Variants in KYNU observed in about 807,000 individuals in gnomAD.
KYNU encodes the protein L-kynurenine hydrolase.
KYNU carries 54 observed loss-of-function variants against 59.2 expected under a neutral mutation model. That is an observed-to-expected ratio of 0.91 (90% CI 0.73 to 1.14). The LOEUF (loss-of-function observed/expected upper bound fraction) is 1.14, where lower values mean the gene tolerates loss of function less well. Among genes scored for constraint, KYNU ranks in the 50% most tolerant of loss-of-function variants. The pLI is 0.00. For missense variants in KYNU, 567 were observed against 554.4 expected (o/e 1.02, Z -0.23); for synonymous variants, 177 against 192.0 (o/e 0.92, Z 0.65).
chr2:143,040,398 A>G (rs1224386841), intron 12 of KYNU, 30 bp from the exon 13 acceptor site: 1 of 1,519,692 alleles, frequency 6.6e-7, no homozygotes, highest in South Asian at 1.1e-5. Context: ...TCAATAAGAC[A>G]CTTTAATCTG....
At chr2:142,963,266 A>G (rs1004604046) in intron 8 of KYNU, among the ~76,000 whole-genome samples, 6 of 152,216 alleles carry the variant, frequency 3.9e-5, no homozygotes, top group Non-Finnish European at 8.8e-5. Context: ...AAGTATTTCC[A>G]ATACTCAGAA....
At position 142,885,356 on chromosome 2, in the gene KYNU, G is replaced by A; in HGVS notation, c.-12G>A. 1 of 1,613,456 alleles carries A rather than the reference G, an allele frequency of 6.2e-7. No individual in the cohort carries two copies. The highest frequency in any genetic ancestry group is 1.3e-5 in the African/African-American group (1 of 75,006). On this transcript the variant is annotated 5_prime_UTR_variant, in exon 2 of 14. Transcript: ENST00000264170. Reference sequence around the variant, plus strand: ...TTTATTATTCTCTTTCAGTTTTAGAGAACAACTTGTAATGGAGCCTTCATC... The same window carrying A: ...TTTATTATTCTCTTTCAGTTTTAGAAAACAACTTGTAATGGAGCCTTCATC...
At chr2:142,945,797 G>C (rs1206163249) in intron 4 of KYNU, among the ~76,000 whole-genome samples, 1 of 151,478 alleles carries the variant, frequency 6.6e-6, no homozygotes, top group African/African-American at 2.4e-5. Context: ...GAGTGCCGTG[G>C]CACAATCTCG....
rs1261293930 is a variant in KYNU at position 142,970,871 on chromosome 2, A to G, written c.729+10101A>G. On this transcript the variant is annotated intron_variant, in intron 8 of 13. Coordinates refer to ENST00000264170, the MANE Select transcript of KYNU (RefSeq NM_003937.3). The stretch of plus-strand genomic sequence containing the variant: ...AAAAGTTGTATATATTCCCTGTCTC[A>G]ATGTCCTACTTTGTGCCTCCTTGTC... Among the ~76,000 whole-genome samples, 8 of 152,040 alleles carry G rather than the reference A, an allele frequency of 5.3e-5. No homozygotes were observed. In the East Asian group the frequency reaches 1.4e-3, roughly 26 times the overall value.
At chr2:143,007,336 A>G (rs1472240599) in intron 10 of KYNU, among the ~76,000 whole-genome samples, 10 of 150,572 alleles carry the variant, frequency 6.6e-5, no homozygotes, top group Admixed American at 4.0e-4. Flanking sequence ...ATGAAATGAA[A>G]TGAGAAGGGA....
At chr2:142,978,748 C>G (rs1171222050) in intron 8 of KYNU, among the ~76,000 whole-genome samples, 1 of 152,108 alleles carries the variant, frequency 6.6e-6, no homozygotes, top group Non-Finnish European at 1.5e-5. Context: ...CGTATCAATG[C>G]ATACCATCTA....
In KYNU at chr2:143,028,444, AT is replaced by A. The variant is rs1474120383; in HGVS notation, c.903-1182del. 4.1e-5 allele frequency among the ~76,000 whole-genome samples: 6 copies of A among 147,950 alleles called. No homozygotes were observed. The East Asian group carries it at 1.2e-3, about 30-fold the overall frequency. On this transcript the variant is annotated intron_variant, in intron 10 of 13. Transcript: ENST00000264170. ...TTTTTAGTAGAGACGGTGTTTCACC[AT>A]GTTGGTCAGGCTGGTCTCAAACTCC...
chr2:142,990,828 T>C lies in KYNU; in HGVS notation c.902+4807T>C, dbSNP rs567037069. Among the ~76,000 whole-genome samples, 4 of 152,028 alleles carry C rather than the reference T, an allele frequency of 2.6e-5. No homozygotes were observed. The East Asian group carries it at 7.8e-4, about 29-fold the overall frequency. ...CCATAATCAGCTAGAGGTATTTGAT[T>C]GAAAGTTTTAAACAGTGATGACATT... On this transcript the variant is annotated intron_variant, in intron 10 of 13. Coordinates refer to ENST00000264170, the MANE Select transcript of KYNU (RefSeq NM_003937.3).
chr2:142,963,799 A>G (rs1684432738), intron 8 of KYNU, among the ~76,000 whole-genome samples: 1 of 152,212 alleles, frequency 6.6e-6, no homozygotes, highest in Non-Finnish European at 1.5e-5. Flanking sequence ...CTTTATATGA[A>G]GGTATACACA....
chr2:142,904,714 A>T (rs1449451344), intron 2 of KYNU, among the ~76,000 whole-genome samples: 1 of 152,126 alleles, frequency 6.6e-6, no homozygotes, highest in Non-Finnish European at 1.5e-5. Flanking sequence ...CTTGGGGGGA[A>T]TGTTTTGCCA....
chr2:143,040,289 A>G, intron 12 of KYNU, 139 bp from the exon 13 acceptor site: 1 of 658,160 alleles, frequency 1.5e-6, no homozygotes, highest in Admixed American at 2.5e-5. Flanking sequence ...ATGATTTTAC[A>G]CAAAAAGATT....
intron 10 of KYNU, among the ~76,000 whole-genome samples, chr2:142,999,628 T>C (rs1254642058): frequency 1.3e-5 from 2 of 152,306 alleles, no homozygotes; most frequent in African/African-American, 4.8e-5. Context: ...TTTTATTTTC[T>C]TATTTAAATT....
intron 2 of KYNU, among the ~76,000 whole-genome samples, chr2:142,901,197 T>C (rs964364810): frequency 6.6e-6 from 1 of 152,210 alleles, no homozygotes; most frequent in Middle Eastern, 3.2e-3. Context: ...TTTGGCCATC[T>C]GATGGGTGCT....
At chr2:143,021,944 T>A (rs1686421854) in intron 10 of KYNU, among the ~76,000 whole-genome samples, 1 of 152,220 alleles carries the variant, frequency 6.6e-6, no homozygotes, top group African/African-American at 2.4e-5. Context: ...ACTTTTTTGG[T>A]AATATATCTG....
chr2:143,016,275 C>T (rs1370902500), intron 10 of KYNU, among the ~76,000 whole-genome samples: 1 of 152,202 alleles, frequency 6.6e-6, no homozygotes, highest in Admixed American at 6.5e-5. Context: ...GGCAAGACCT[C>T]ATATTCAGCT....
intron 7 of KYNU, among the ~76,000 whole-genome samples, chr2:142,959,510 T>C (rs351679): frequency 0.27 from 41,481 of 151,530 alleles, 8,899 homozygotes; most frequent in African/African-American, 0.58. Context: ...CACTTGAACC[T>C]GGGAGGTGGA....
intron 2 of KYNU, among the ~76,000 whole-genome samples, chr2:142,900,623 C>A (rs890394106): frequency 1.3e-5 from 2 of 152,176 alleles, no homozygotes; most frequent in Non-Finnish European, 2.9e-5. Context: ...ATGCGGTCAC[C>A]TTCCCAGCTA....
At chr2:142,945,561 C>A (rs781425757) in intron 4 of KYNU, among the ~76,000 whole-genome samples, 5 of 152,104 alleles carry the variant, frequency 3.3e-5, no homozygotes, top group Admixed American at 6.6e-5. Context: ...TTGGAATAAA[C>A]TTCCCCAGTT....
At chr2:143,004,766 C>A (rs1685820570) in intron 10 of KYNU, among the ~76,000 whole-genome samples, 1 of 152,130 alleles carries the variant, frequency 6.6e-6, no homozygotes, top group South Asian at 2.1e-4. Flanking sequence ...TTACTATCAC[C>A]AATGTTTCCT....
Sources: allele counts gnomAD v4.1 joint callset (sites outside exome capture counted in the v4.1 genomes callset), GRCh38; gene constraint gnomAD v4.1.1; transcripts MANE v1.5; gene names NCBI Gene and HGNC (gene_info 2026-07-23, HGNC 2026-07-21).